ANKRD12: variants seen among roughly 807,000 people sequenced by gnomAD.
ANKRD12 encodes ankyrin repeat domain 12.
Under a neutral mutation model 183.4 loss-of-function variants are expected in ANKRD12, and 85 were observed. The ratio of observed to expected loss-of-function variants is 0.46; its 90% CI spans 0.39 to 0.56. ANKRD12 has a LOEUF of 0.56. ANKRD12 is among the 20% of genes least tolerant of loss of function. ANKRD12 has a pLI of 0.00. For missense variants in ANKRD12, 2,405 were observed against 2,357.1 expected (o/e 1.02, Z -0.42); for synonymous variants, 914 against 800.2 (o/e 1.14, Z -2.40).
At chr18:9,259,711 A>G (rs1251152920) in intron 9 of ANKRD12, 1 of 152,174 alleles carries the variant, frequency 6.6e-6, no homozygotes, top group East Asian at 1.9e-4. Flanking sequence ...AAGCAGCAAA[A>G]CACAGCACAA....
chr18:9,249,369 T>G (rs747820353), intron 8 of ANKRD12, among the ~76,000 whole-genome samples: 1 of 152,168 alleles, frequency 6.6e-6, no homozygotes, highest in Non-Finnish European at 1.5e-5. Flanking sequence ...TTTGATAAGT[T>G]TACAGAAAGC....
At chr18:9,210,456 C>T (rs1323567193) in intron 5 of ANKRD12, among the ~76,000 whole-genome samples, 8 of 151,816 alleles carry the variant, frequency 5.3e-5, no homozygotes, top group Admixed American at 2.0e-4. Context: ...CATGGTAGCT[C>T]GAGCCTGTAA....
chr18:9,248,224 G>A lies in ANKRD12; in HGVS notation c.944-5987G>A, dbSNP rs141297702. Among the ~76,000 whole-genome samples the A allele has an allele frequency of 4.1e-4, 63 of 152,320 alleles. No homozygotes were observed. The South Asian group carries it at 9.5e-3, about 23-fold the overall frequency. The stretch of plus-strand genomic sequence containing the variant: ...TTTTGCTGGGGTTTAATAGGAGATC[G>A]TAATTTTAATGGTTCTGATCAATTT... On this transcript the variant is annotated intron_variant, in intron 8 of 12. Transcript: ENST00000262126.
At chr18:9,280,244 A>G (rs544298448) in intron 12 of ANKRD12, among the ~76,000 whole-genome samples, 79 of 152,250 alleles carry the variant, frequency 5.2e-4, no homozygotes, top group Non-Finnish European at 8.5e-4. Flanking sequence ...GAACCCTCGC[A>G]TGTGCAGTTC....
At chr18:9,224,505 A>G (rs1033783251) in intron 8 of ANKRD12, among the ~76,000 whole-genome samples, 1 of 152,190 alleles carries the variant, frequency 6.6e-6, no homozygotes, top group Non-Finnish European at 1.5e-5. Context: ...AGTAATTAAC[A>G]TACAGAAGTG....
intron 10 of ANKRD12, among the ~76,000 whole-genome samples, chr18:9,268,958 A>G (rs940683815): frequency 2.6e-5 from 4 of 152,210 alleles, no homozygotes; most frequent in Non-Finnish European, 5.9e-5. Flanking sequence ...AAAAATCACG[A>G]GCATTCTTAT....
Position 9,208,643 on chromosome 18 carries a change from G to A in ANKRD12, c.305-14G>A. ...ATTTGTTTCAAATTCTTACATATTT[G>A]TTAATAATTCCAGAGAAAGAAGGTC... is the stretch of plus-strand genomic sequence containing the variant. On this transcript the variant is annotated splice_polypyrimidine_tract_variant and intron_variant, in intron 4 of 12. Coordinates refer to ENST00000262126, the MANE Select transcript of ANKRD12 (RefSeq NM_015208.5). The A allele has an allele frequency of 1.3e-6, 2 of 1,588,262 alleles. No individual in the cohort carries two copies. Among genetic ancestry groups the A allele is most frequent in the Non-Finnish European group, 1.7e-6 (2 of 1,170,640 alleles).
At chr18:9,245,782 T>G (rs2037927604) in intron 8 of ANKRD12, among the ~76,000 whole-genome samples, 1 of 152,216 alleles carries the variant, frequency 6.6e-6, no homozygotes, top group African/African-American at 2.4e-5. Context: ...CAGGGTTGTT[T>G]TGTCAATATA....
chr18:9,208,059 C>T (rs1417805857), intron 4 of ANKRD12, among the ~76,000 whole-genome samples: 3 of 152,158 alleles, frequency 2.0e-5, no homozygotes, highest in East Asian at 3.8e-4. Flanking sequence ...ATCTGTTAAC[C>T]CATAGCCACA....
chr18:9,279,805 C>A (rs2040024020), intron 12 of ANKRD12, among the ~76,000 whole-genome samples, 161 bp downstream of exon 12: 1 of 151,988 alleles, frequency 6.6e-6, no homozygotes, highest in Non-Finnish European at 1.5e-5. Context: ...ACCACAAGTC[C>A]ATTTTAAGGA....
intron 1 of ANKRD12, among the ~76,000 whole-genome samples, chr18:9,171,185 C>G (rs2032687506): frequency 6.6e-6 from 1 of 152,182 alleles, no homozygotes; most frequent in African/African-American, 2.4e-5. Context: ...TGCCCGTTGT[C>G]AGATCTCAAG....
Position 9,222,002 on chromosome 18 carries a change from T to C in ANKRD12, c.943+3T>C. 6.2e-7 allele frequency: 1 copy of C among 1,613,484 alleles called. No individual in the cohort carries two copies. Among genetic ancestry groups the C allele is most frequent in the Non-Finnish European group, 8.5e-7 (1 of 1,179,686 alleles). On this transcript the variant is annotated splice_donor_region_variant and intron_variant, in intron 8 of 12. Coordinates refer to ENST00000262126, the MANE Select transcript of ANKRD12 (RefSeq NM_015208.5). ...TGATGATGATGAAAGTTACACAGGTTTGTTTCAGATAATCTACATTCATCT... is the reference window on the plus strand; with the variant it reads ...TGATGATGATGAAAGTTACACAGGTCTGTTTCAGATAATCTACATTCATCT...
intron 6 of ANKRD12, among the ~76,000 whole-genome samples, chr18:9,212,657 G>A (rs1018187353): frequency 2.7e-4 from 41 of 151,604 alleles, no homozygotes; most frequent in African/African-American, 9.4e-4. Context: ...GGAGATACAT[G>A]TTTTAGATTT....
intron 8 of ANKRD12, among the ~76,000 whole-genome samples, chr18:9,230,893 C>G (rs543825756): frequency 6.6e-6 from 1 of 152,148 alleles, no homozygotes; most frequent in African/African-American, 2.4e-5. Context: ...GTCTTGAACT[C>G]CTGACCTCAA....
At chr18:9,153,930 T>C (rs958771714) in intron 1 of ANKRD12, among the ~76,000 whole-genome samples, 4 of 152,184 alleles carry the variant, frequency 2.6e-5, no homozygotes, top group Non-Finnish European at 5.9e-5. Flanking sequence ...TCATACTCTG[T>C]ATTGGTTCTT....
intron 8 of ANKRD12, among the ~76,000 whole-genome samples, chr18:9,232,530 TTTCTC>T (rs1020403623): frequency 7.8e-4 from 119 of 152,282 alleles, no homozygotes; most frequent in African/African-American, 2.6e-3. Context: ...ACTGGATACT[TTTCTC>T]TTAGTGTTTT....
rs1239907730 is a variant in ANKRD12, at chr18:9,255,734, G to T, written c.2467G>T (p.Glu823Ter). The T allele has an allele frequency of 1.3e-6, 2 of 1,589,756 alleles. No individual in the cohort carries two copies. The highest frequency in any genetic ancestry group is 2.3e-5 in the East Asian group (1 of 44,436). Residue 823 changes from glutamate (E) to a stop codon, truncating the protein, a stop_gained, in exon 9 of 13, where the codon GAG becomes TAG. Coordinates refer to ENST00000262126, the MANE Select transcript of ANKRD12 (RefSeq NM_015208.5). LOFTEE classifies it high-confidence loss of function. Reference sequence around the variant, plus strand: ...TATAAAGGAAAGTAAAGAAAAACCTGAGAAGCGATCTCAAATTAAAGAAAA... The same window carrying T: ...TATAAAGGAAAGTAAAGAAAAACCTTAGAAGCGATCTCAAATTAAAGAAAA... ...KHIKESKEKP[E>*]KRSQIKEKDI...
chr18:9,212,489 A>G (rs2035861858), intron 6 of ANKRD12, among the ~76,000 whole-genome samples: 2 of 151,820 alleles, frequency 1.3e-5, no homozygotes, highest in African/African-American at 4.8e-5. Context: ...ATATTCTTAC[A>G]GTATATATAG....
Position 9,171,748 on chromosome 18 carries a change from C to T in ANKRD12, c.-51-10634C>T, listed in dbSNP as rs568145398. On this transcript the variant is annotated intron_variant, in intron 1 of 12. Coordinates refer to ENST00000262126, the MANE Select transcript of ANKRD12 (RefSeq NM_015208.5). Reference sequence around the variant, plus strand: ...TCTTTAAGAATGTTGAGGCCAGGTGCGGTGGCTCACGTCTGTAATCCCATC... The same window carrying T: ...TCTTTAAGAATGTTGAGGCCAGGTGTGGTGGCTCACGTCTGTAATCCCATC... Among the ~76,000 whole-genome samples, 6 of 152,104 alleles carry T rather than the reference C, an allele frequency of 3.9e-5. No homozygotes were observed. In the East Asian group the frequency reaches 7.7e-4, roughly 20 times the overall value.
Sources: allele counts gnomAD v4.1 joint callset (sites outside exome capture counted in the v4.1 genomes callset), GRCh38; gene constraint gnomAD v4.1.1; transcripts MANE v1.5; gene names NCBI Gene and HGNC (gene_info 2026-07-23, HGNC 2026-07-21).